NDUFAF2: variants seen among roughly 807,000 people sequenced by gnomAD.
NDUFAF2 encodes the protein NADH dehydrogenase [ubiquinone] 1 alpha subcomplex assembly factor 2.
Under a neutral mutation model 22.8 loss-of-function variants are expected in NDUFAF2, and 13 were observed. That is an observed-to-expected ratio of 0.57 (90% CI 0.37 to 0.91). The LOEUF (loss-of-function observed/expected upper bound fraction) is 0.91. Among genes scored for constraint, NDUFAF2 ranks in the 40% least tolerant of loss-of-function variants. The pLI is 0.01. For synonymous variants in NDUFAF2, 53 were observed against 64.2 expected (o/e 0.83, Z 0.84); for missense variants, 162 against 195.2 (o/e 0.83, Z 1.01).
chr5:61,076,171 C>T (rs1752367700), intron 2 of NDUFAF2, among the ~76,000 whole-genome samples: 2 of 152,208 alleles, frequency 1.3e-5, no homozygotes, highest in East Asian at 3.9e-4. Flanking sequence ...CCCAAGTTCA[C>T]GCCATTCTCC....
intron 1 of NDUFAF2, 158 bp downstream of exon 1, chr5:60,945,540 A>C (rs1750427242): frequency 8.8e-7 from 1 of 1,130,012 alleles, no homozygotes; most frequent in African/African-American, 1.5e-5. Flanking sequence ...CGACCCCTTC[A>C]CTCTGGCATC....
At chr5:61,116,065 C>G (rs1478714654) in intron 3 of NDUFAF2, 1 of 152,030 alleles carries the variant, frequency 6.6e-6, no homozygotes, top group African/African-American at 2.4e-5. Flanking sequence ...ATCTTTTTCC[C>G]TACTGGGTTT....
chr5:61,145,248 A>G (rs1741121686), intron 3 of NDUFAF2, among the ~76,000 whole-genome samples: 1 of 152,188 alleles, frequency 6.6e-6, no homozygotes, highest in South Asian at 2.1e-4. Context: ...CTTGAGCCAC[A>G]ACCTTTTGGG....
chr5:61,143,960 T>TTG (rs58281805), intron 3 of NDUFAF2, among the ~76,000 whole-genome samples: 2,037 of 98,068 alleles, frequency 0.021, 22 homozygotes, highest in African/African-American at 0.038. Context: ...TGGCATATTT[T>TTG]TGTGTGTGTG....
intron 3 of NDUFAF2, among the ~76,000 whole-genome samples, chr5:61,121,048 T>C (rs568280357): frequency 6.6e-6 from 1 of 152,274 alleles, no homozygotes; most frequent in East Asian, 1.9e-4. Context: ...ATTGATCACA[T>C]TGGTGATAAC....
At chr5:60,955,919 G>GTTT (rs201647934) in intron 1 of NDUFAF2, among the ~76,000 whole-genome samples, 6 of 143,994 alleles carry the variant, frequency 4.2e-5, no homozygotes, top group South Asian at 2.2e-4. Flanking sequence ...TGTTGACTTT[G>GTTT]TTTTTTTTTT....
chr5:60,948,893 T>C (rs1750502994), intron 1 of NDUFAF2, among the ~76,000 whole-genome samples: 1 of 152,192 alleles, frequency 6.6e-6, no homozygotes, highest in South Asian at 2.1e-4. Context: ...GGTACCGTTT[T>C]ACCTTCCCAC....
intron 1 of NDUFAF2, among the ~76,000 whole-genome samples, chr5:61,010,659 G>A (rs1187635195): frequency 1.3e-5 from 2 of 152,020 alleles, no homozygotes; most frequent in Admixed American, 6.6e-5. Context: ...TTTTCACTGT[G>A]GGCTTGCTGT....
At chr5:60,983,709 G>T (rs919957916) in intron 1 of NDUFAF2, among the ~76,000 whole-genome samples, 1 of 150,578 alleles carries the variant, frequency 6.6e-6, no homozygotes, top group Admixed American at 6.6e-5. Flanking sequence ...TCAGATAGTT[G>T]TAGATATGCG....
At chr5:61,128,462 C>A (rs942382860) in intron 3 of NDUFAF2, among the ~76,000 whole-genome samples, 11 of 151,850 alleles carry the variant, frequency 7.2e-5, no homozygotes, top group Admixed American at 6.6e-4. Context: ...TATAGACCAA[C>A]GGAACAGAAC....
At chr5:61,118,896 G>A (rs1470545644) in intron 3 of NDUFAF2, among the ~76,000 whole-genome samples, 1 of 152,064 alleles carries the variant, frequency 6.6e-6, no homozygotes, top group Non-Finnish European at 1.5e-5. Flanking sequence ...AAAATGTTAG[G>A]GTTCACAGTC....
At chr5:61,067,517 C>G (rs1299102798) in intron 1 of NDUFAF2, among the ~76,000 whole-genome samples, 1 of 152,068 alleles carries the variant, frequency 6.6e-6, no homozygotes, top group African/African-American at 2.4e-5. Context: ...GCATAGTATT[C>G]CGTGGTGTAT....
intron 1 of NDUFAF2, among the ~76,000 whole-genome samples, chr5:61,019,243 G>A (rs1260502348): frequency 6.6e-6 from 1 of 152,014 alleles, no homozygotes; most frequent in Admixed American, 6.6e-5. Flanking sequence ...GTTGTATTAT[G>A]GGGATAACAA....
chr5:61,020,112 A>G (rs1751559966), intron 1 of NDUFAF2, among the ~76,000 whole-genome samples: 1 of 152,044 alleles, frequency 6.6e-6, no homozygotes, highest in Non-Finnish European at 1.5e-5. Flanking sequence ...TATTTATTGC[A>G]TTCTCTTATG....
At chr5:61,150,894 A>T (rs1741227853) in intron 3 of NDUFAF2, among the ~76,000 whole-genome samples, 1 of 152,218 alleles carries the variant, frequency 6.6e-6, no homozygotes, top group Non-Finnish European at 1.5e-5. Context: ...TAAGAATTCT[A>T]GAGGGTATAG....
At chr5:61,099,118 CAA>C (rs1752677133) in intron 3 of NDUFAF2, 86 bp downstream of exon 3, 1 of 871,968 alleles carries the variant, frequency 1.1e-6, no homozygotes, top group South Asian at 2.5e-5. Flanking sequence ...TGTATTTTCT[CAA>C]AGTGTTGATT....
At chr5:61,080,481 A>G (rs910530833) in intron 2 of NDUFAF2, among the ~76,000 whole-genome samples, 1 of 152,182 alleles carries the variant, frequency 6.6e-6, no homozygotes, top group African/African-American at 2.4e-5. Context: ...GTAGTGTATG[A>G]GAGTTCAAGT....
chr5:61,036,615 G>C (rs975139387), intron 1 of NDUFAF2, among the ~76,000 whole-genome samples: 5 of 152,164 alleles, frequency 3.3e-5, no homozygotes, highest in Admixed American at 2.0e-4. Context: ...CTGGGCCTAG[G>C]AGGGAAACTA....
chr5:60,946,675 C>A (rs1238269966), intron 1 of NDUFAF2, among the ~76,000 whole-genome samples: 1 of 152,144 alleles, frequency 6.6e-6, no homozygotes, highest in Non-Finnish European at 1.5e-5. Flanking sequence ...AATTTACATA[C>A]AGTAACATTC....
Sources: gnomAD v4.1 joint callset for allele counts (sites outside exome capture counted in the v4.1 genomes callset) on GRCh38, gnomAD v4.1.1 for gene constraint, MANE v1.5 for transcripts, NCBI Gene and HGNC (gene_info 2026-07-23, HGNC 2026-07-21) for gene names.